SLC1A1: variants seen among roughly 807,000 people sequenced by gnomAD.
The protein encoded by SLC1A1 is excitatory amino acid transporter 3.
A neutral mutation model predicts 53.3 loss-of-function variants in SLC1A1; 43 were observed. That is an observed-to-expected ratio of 0.81 (90% confidence interval 0.63 to 1.04). The LOEUF is 1.04. Among genes scored for constraint, SLC1A1 ranks in the 50% least tolerant of loss-of-function variants. The pLI, the probability that SLC1A1 is intolerant of heterozygous loss-of-function variation, is 0.00. For missense variants in SLC1A1, 748 were observed against 664.9 expected (o/e 1.12, Z -1.37); for synonymous variants, 307 against 243.2 (o/e 1.26, Z -2.44).
intron 1 of SLC1A1, among the ~76,000 whole-genome samples, chr9:4,505,577 C>T (rs1220093566): frequency 2.6e-5 from 4 of 152,182 alleles, no homozygotes; most frequent in African/African-American, 9.7e-5. Flanking sequence ...TTTCCATTGG[C>T]TCTACGTGCA....
chr9:4,564,299 C>A (rs1819273086), intron 3 of SLC1A1, 45 bp from the exon 4 acceptor site: 9 of 1,337,900 alleles, frequency 6.7e-6, no homozygotes, highest in Non-Finnish European at 9.6e-6. Flanking sequence ...TGCCAGGTGC[C>A]CTGGAAGGTT....
chr9:4,554,924 AG>A (rs1818233741), intron 2 of SLC1A1, among the ~76,000 whole-genome samples: 1 of 152,244 alleles, frequency 6.6e-6, no homozygotes, highest in African/African-American at 2.4e-5. Flanking sequence ...GTAATCATGC[AG>A]GCTATTTACT....
At chr9:4,522,221 T>G (rs1013388273) in intron 1 of SLC1A1, among the ~76,000 whole-genome samples, 18 of 151,746 alleles carry the variant, frequency 1.2e-4, no homozygotes, top group African/African-American at 4.4e-4. Flanking sequence ...CCGGCTAATT[T>G]TTTGTATTTT....
intron 1 of SLC1A1, 42 bp downstream of exon 1, chr9:4,490,812 G>T (rs894944706): frequency 1.3e-6 from 2 of 1,532,100 alleles, no homozygotes; most frequent in Non-Finnish European, 1.8e-6. Flanking sequence ...ACCCTCACGC[G>T]CTCTCTGCGC....
chr9:4,576,879 T>TAA, intron 10 of SLC1A1, 116 bp downstream of exon 10: 1 of 974,738 alleles, frequency 1.0e-6, no homozygotes, highest in Non-Finnish European at 1.6e-6. Context: ...TCTTGATCTA[T>TAA]AAAGTCCCTT....
chr9:4,508,469 C>A (rs551878731), intron 1 of SLC1A1, among the ~76,000 whole-genome samples: 2 of 152,156 alleles, frequency 1.3e-5, no homozygotes, highest in African/African-American at 4.8e-5. Context: ...ACTAAGCTCA[C>A]CCTCACTTGA....
chr9:4,542,011 A>G (rs2130874003), intron 1 of SLC1A1, among the ~76,000 whole-genome samples: 1 of 152,308 alleles, frequency 6.6e-6, no homozygotes, highest in Middle Eastern at 3.4e-3. Context: ...GCTTGAGACC[A>G]AGATAAAGCA....
At chr9:4,578,273 G>C (rs1820750368) in intron 10 of SLC1A1, among the ~76,000 whole-genome samples, 1 of 152,224 alleles carries the variant, frequency 6.6e-6, no homozygotes, top group Non-Finnish European at 1.5e-5. Context: ...TCTTGGGCAA[G>C]TGACTTGAAT....
At chr9:4,567,522 T>G in intron 5 of SLC1A1, 147 bp from the exon 6 acceptor site, 1 of 673,032 alleles carries the variant, frequency 1.5e-6, no homozygotes, top group Non-Finnish European at 2.7e-6. Context: ...GAGGTACCGT[T>G]GACAACTGGA....
At chr9:4,539,741 T>G (rs1276715056) in intron 1 of SLC1A1, among the ~76,000 whole-genome samples, 1 of 152,032 alleles carries the variant, frequency 6.6e-6, no homozygotes, top group Non-Finnish European at 1.5e-5. Flanking sequence ...CTGGCTAATT[T>G]TTGTATTTTT....
intron 2 of SLC1A1, among the ~76,000 whole-genome samples, chr9:4,555,039 A>C (rs1323042356): frequency 2.0e-5 from 3 of 152,226 alleles, no homozygotes; most frequent in Non-Finnish European, 4.4e-5. Flanking sequence ...TGTTCCTCAC[A>C]ATTAACCTAA....
intron 1 of SLC1A1, among the ~76,000 whole-genome samples, chr9:4,514,764 C>A (rs1003992991): frequency 6.6e-6 from 1 of 152,104 alleles, no homozygotes; most frequent in Non-Finnish European, 1.5e-5. Context: ...GGAAAGATAG[C>A]TCTGACTTAG....
chr9:4,541,174 T>C (rs1564019035), intron 1 of SLC1A1, among the ~76,000 whole-genome samples: 1 of 152,220 alleles, frequency 6.6e-6, no homozygotes, highest in Non-Finnish European at 1.5e-5. Context: ...TTCAGGGAAA[T>C]TGTTGATCTT....
chr9:4,584,993 G>C (rs62543873), intron 11 of SLC1A1, among the ~76,000 whole-genome samples: 32 of 152,140 alleles, frequency 2.1e-4, no homozygotes, highest in African/African-American at 7.7e-4. Flanking sequence ...ATAGAGGTTA[G>C]GGCTGAAAAA....
At chr9:4,493,347 C>G (rs1820302721) in intron 1 of SLC1A1, among the ~76,000 whole-genome samples, 1 of 152,130 alleles carries the variant, frequency 6.6e-6, no homozygotes, top group Admixed American at 6.5e-5. Flanking sequence ...TTTGTGTAGT[C>G]TGTAAGGGCT....
At chr9:4,538,351 T>C (rs941608663) in intron 1 of SLC1A1, among the ~76,000 whole-genome samples, 2 of 152,206 alleles carry the variant, frequency 1.3e-5, no homozygotes, top group African/African-American at 2.4e-5. Flanking sequence ...AAGGTTGCAT[T>C]CTTTTGAGTT....
intron 1 of SLC1A1, among the ~76,000 whole-genome samples, chr9:4,535,557 G>C (rs1268057006): frequency 6.6e-6 from 1 of 152,112 alleles, no homozygotes; most frequent in Non-Finnish European, 1.5e-5. Flanking sequence ...TGAAATAAAA[G>C]AGGATACAAA....
At chr9:4,494,312 TTTG>T (rs910129578) in intron 1 of SLC1A1, among the ~76,000 whole-genome samples, 1 of 152,184 alleles carries the variant, frequency 6.6e-6, no homozygotes, top group African/African-American at 2.4e-5. Flanking sequence ...TATTACTTCG[TTTG>T]TTATTAGAGG....
chr9:4,506,854 C>G (rs1301866980), intron 1 of SLC1A1, among the ~76,000 whole-genome samples: 18 of 152,182 alleles, frequency 1.2e-4, no homozygotes, highest in Non-Finnish European at 1.8e-4. Context: ...CTCTTAGAAC[C>G]TCCCCTCATT....
Sources: allele counts gnomAD v4.1 joint callset (sites outside exome capture counted in the v4.1 genomes callset), GRCh38; gene constraint gnomAD v4.1.1; transcripts MANE v1.5; gene names NCBI Gene and HGNC (gene_info 2026-07-23, HGNC 2026-07-21).